Variants in AKAP3 observed in about 807,000 individuals in gnomAD.
AKAP3 encodes A-kinase anchoring protein 3.
Under a neutral mutation model 57.2 loss-of-function variants are expected in AKAP3, and 27 were observed. The observed-to-expected ratio is 0.47, with a 90% CI of 0.35 to 0.65. AKAP3 has a LOEUF of 0.65. Among genes scored for constraint, AKAP3 ranks in the 30% least tolerant of loss-of-function variants. AKAP3 has a pLI of 0.01. For missense variants in AKAP3, 959 were observed against 1,040.0 expected, an observed-to-expected ratio of 0.92 and a Z score of 1.07; for synonymous variants, 334 against 392.3, an observed-to-expected ratio of 0.85 and a Z score of 1.76.
At chr12:4,634,521 T>C (rs1177103644) in intron 4 of AKAP3, among the ~76,000 whole-genome samples, 1 of 152,218 alleles carries the variant, frequency 6.6e-6, no homozygotes, top group Non-Finnish European at 1.5e-5. Context: ...GACTACATTG[T>C]GTCACAAGCG....
At chr12:4,636,053 G>A in intron 4 of AKAP3, 1 of 1,495,366 alleles carries the variant, frequency 6.7e-7, no homozygotes, top group Non-Finnish European at 9.2e-7. Context: ...CGAAGCACTA[G>A]GCTTGATTTG....
At chr12:4,639,865 G>A (rs915232309) in intron 3 of AKAP3, among the ~76,000 whole-genome samples, 6 of 132,920 alleles carry the variant, frequency 4.5e-5, no homozygotes, top group Admixed American at 1.8e-4. Flanking sequence ...CGCCCAGGCC[G>A]AACTGCAGTG....
At position 4,627,838 on chromosome 12, in the gene AKAP3, A is replaced by T. The variant is rs751333323; in HGVS notation, c.1064T>A (p.Val355Asp). The change falls in exon 5 of 6, where the codon GTC becomes GAC. Residue 355 changes from valine to aspartate, a missense_variant. Val to Asp is a radical substitution (Grantham distance 152). Coordinates refer to ENST00000228850, the MANE Select transcript of AKAP3 (RefSeq NM_001278309.2). ...GAAGACAGTTCTTTTCACAGCCGAG[A>T]CAAACTGTGTGTCAGTCATGAGGGT... ...TGTLMTDTQF[V>D]SAVKRTVFSH... 8 of 1,614,144 alleles carry T rather than the reference A, an allele frequency of 5.0e-6. No homozygotes were observed. Among genetic ancestry groups the T allele is most frequent in the Non-Finnish European group, 6.8e-6 (8 of 1,180,022 alleles).
intron 3 of AKAP3, among the ~76,000 whole-genome samples, chr12:4,639,895 C>A (rs1945616484): frequency 6.8e-6 from 1 of 147,562 alleles, no homozygotes; most frequent in Admixed American, 7.0e-5. Flanking sequence ...CGGCTCACTG[C>A]AAGCTCCGCC....
In AKAP3 at chr12:4,628,101, CCT is replaced by C. The variant is rs781477351; in HGVS notation, c.799_800del (p.Arg267ValfsTer8). 1 of 1,614,172 alleles carries C rather than the reference CCT, an allele frequency of 6.2e-7. No individual in the cohort carries two copies. The highest frequency in any genetic ancestry group is 8.5e-7 in the Non-Finnish European group (1 of 1,180,028). ...GGRFFPRERK[R>X]FRGQERPDDF... The stretch of plus-strand genomic sequence containing the variant: ...CATCAGGCCTTTCCTGCCCTCGAAA[CCT>C]CTTTCTCTCCCGAGGAAAGAACCTT... On this transcript the variant is annotated frameshift_variant, in exon 5 of 6. Coordinates refer to ENST00000228850, the MANE Select transcript of AKAP3 (RefSeq NM_001278309.2). LOFTEE classifies it high-confidence loss of function.
chr12:4,621,981 T>C (rs144253785), intron 5 of AKAP3, among the ~76,000 whole-genome samples: 425 of 152,078 alleles, frequency 2.8e-3, no homozygotes, highest in Non-Finnish European at 4.9e-3. Flanking sequence ...TTGTAATATA[T>C]AAAACTCTTA....
intron 5 of AKAP3, among the ~76,000 whole-genome samples, chr12:4,623,771 G>T (rs1945372782): frequency 6.6e-6 from 1 of 151,962 alleles, no homozygotes; most frequent in African/African-American, 2.4e-5. Context: ...AAGAAAAATG[G>T]GCAGAAGTTA....
At chr12:4,619,225 A>G (rs1945318712) in intron 5 of AKAP3, among the ~76,000 whole-genome samples, 1 of 152,206 alleles carries the variant, frequency 6.6e-6, no homozygotes, top group Non-Finnish European at 1.5e-5. Flanking sequence ...GTAAAATGCT[A>G]CAACCACTTC....
Position 4,615,521 on chromosome 12 carries a change from A to T in AKAP3, c.*218T>A. 2.1e-6 allele frequency: 1 copy of T among 485,968 alleles called. No individual in the cohort carries two copies. Among genetic ancestry groups the T allele is most frequent in the Non-Finnish European group, 3.5e-6 (1 of 282,970 alleles). The allele number at this position is 485,968 out of a possible 1,614,324, so 30.1% of individuals were successfully genotyped here. A position where few individuals can be genotyped will look rare whatever the true frequency, so the allele number is the denominator to read the frequency against. ...GGAAACAAAACATGTGGAGCCCTTT[A>T]ATTGTAATTTTTTAATTTTACGTCC... On this transcript the variant is annotated 3_prime_UTR_variant, in exon 6 of 6. Transcript: ENST00000228850.
At chr12:4,645,447 G>C (rs937964643) in intron 1 of AKAP3, 1 of 152,144 alleles carries the variant, frequency 6.6e-6, no homozygotes, top group Non-Finnish European at 1.5e-5. Context: ...AGTGGGGTGG[G>C]AGTATGGTTT....
rs1458930125 is a variant in AKAP3 at position 4,621,825 on chromosome 12, A to C, written c.2406+4671T>G. Among the ~76,000 whole-genome samples, 11 of 152,328 alleles carry C rather than the reference A, an allele frequency of 7.2e-5. No homozygotes were observed. In the South Asian group the frequency reaches 1.4e-3, roughly 20 times the overall value. ...AATGTTTTCCAAAATATAACATAAA[A>C]CCCAGCAAAAATAAAAGAAAAATGT... On this transcript the variant is annotated intron_variant, in intron 5 of 5. Transcript: ENST00000228850.
chr12:4,637,424 T>G (rs553192873), intron 4 of AKAP3, among the ~76,000 whole-genome samples: 2 of 152,332 alleles, frequency 1.3e-5, no homozygotes, highest in East Asian at 3.9e-4. Context: ...GAGTATTTAC[T>G]TAGTTTCTTC....
Position 4,615,583 on chromosome 12 carries a change from G to T in AKAP3, c.*156C>A. The T allele has an allele frequency of 1.0e-6, 1 of 969,706 alleles. No individual in the cohort carries two copies. Among genetic ancestry groups the T allele is most frequent in the Non-Finnish European group, 1.5e-6 (1 of 689,646 alleles). The allele number at this position is 969,706 out of a possible 1,614,324, so 60.1% of individuals were successfully genotyped here. ...GACAGGAAAATCTGCAAAATCCAGT[G>T]GCTAGCACAAGATGACATGTCTTTG... On this transcript the variant is annotated 3_prime_UTR_variant, in exon 6 of 6. Coordinates refer to ENST00000228850, the MANE Select transcript of AKAP3 (RefSeq NM_001278309.2).
rs2137433932 is a variant in AKAP3, at chr12:4,628,070, T to G, written c.832A>C (p.Thr278Pro). 6.2e-7 allele frequency: 1 copy of G among 1,614,130 alleles called. No homozygotes were observed. The highest frequency in any genetic ancestry group is 1.6e-4 in the Middle Eastern group (1 of 6,062). ...ATGATCCCTTCACTAACAGAAGCCG[T>G]AAAGTCATCAGGCCTTTCCTGCCCT... ...FRGQERPDDF[T>P]ASVSEGIMTY... is the part of the protein sequence containing the mutation. The change falls in exon 5 of 6, where the codon ACG becomes CCG. Residue 278 changes from threonine to proline, a missense_variant. By Grantham distance (38) the Thr-to-Pro change is conservative (BLOSUM62 -1). Coordinates refer to ENST00000228850, the MANE Select transcript of AKAP3 (RefSeq NM_001278309.2).
At chr12:4,646,526 G>C (rs1591538627) in intron 1 of AKAP3, among the ~76,000 whole-genome samples, 1 of 152,114 alleles carries the variant, frequency 6.6e-6, no homozygotes, top group East Asian at 1.9e-4. Context: ...CAAAAAATTA[G>C]CCAGGCATGG....
Position 4,625,375 on chromosome 12 carries a change from T to G in AKAP3, c.2406+1121A>C, listed in dbSNP as rs60261983. On this transcript the variant is annotated intron_variant, in intron 5 of 5. Transcript: ENST00000228850. This position sits in a 1 kb window ranked among gnomAD's most constrained non-coding sequence, Gnocchi z 5.4. The stretch of plus-strand genomic sequence containing the variant: ...CACTTTAAGTAGCACGTGTAGTCTT[T>G]TTAAGACCAAAGTCAAAGACCATAC... 0.37 allele frequency among the ~76,000 whole-genome samples: 55,900 copies of G among 151,892 alleles called. 10,582 individuals are homozygous for G. Among genetic ancestry groups the G allele is most frequent in the East Asian group, 0.67 (3,438 of 5,152 alleles).
chr12:4,619,130 C>T (rs947713305), intron 5 of AKAP3, among the ~76,000 whole-genome samples: 3 of 152,112 alleles, frequency 2.0e-5, no homozygotes, highest in Admixed American at 1.3e-4. Context: ...CAATGAGATA[C>T]CACTATAATT....
intron 5 of AKAP3, among the ~76,000 whole-genome samples, chr12:4,624,710 A>C (rs1945388288): frequency 6.6e-6 from 1 of 151,112 alleles, no homozygotes; most frequent in South Asian, 2.1e-4. Flanking sequence ...CAGTGCGTCT[A>C]TTTATTAGTT....
In AKAP3 at chr12:4,628,114, C is replaced by G; in HGVS notation, c.788G>C (p.Arg263Pro). The G allele has an allele frequency of 1.2e-6, 2 of 1,614,098 alleles. No homozygotes were observed. The highest frequency in any genetic ancestry group is 8.5e-7 in the Non-Finnish European group (1 of 1,180,018). Residue 263 changes from arginine to proline, a missense_variant, in exon 5 of 6, where the codon CGG becomes CCG. Physicochemically the swap from Arg to Pro is moderately radical, Grantham distance 103 (BLOSUM62 -2). Transcript: ENST00000228850. Reference sequence around the variant, plus strand: ...CTGCCCTCGAAACCTCTTTCTCTCCCGAGGAAAGAACCTTCCACCCTCTCT... The same window carrying G: ...CTGCCCTCGAAACCTCTTTCTCTCCGGAGGAAAGAACCTTCCACCCTCTCT... ...YAREGGRFFP[R>P]ERKRFRGQER...
Sources: allele counts gnomAD v4.1 joint callset (sites outside exome capture counted in the v4.1 genomes callset), GRCh38; gene constraint gnomAD v4.1.1; non-coding constraint Gnocchi (gnomAD v3.1); transcripts MANE v1.5; gene names NCBI Gene and HGNC (gene_info 2026-07-23, HGNC 2026-07-21).